Variants in UTP25 observed in about 807,000 individuals in gnomAD.
The protein encoded by UTP25 is UTP25 small subunit processome component, also known as U3 small nucleolar RNA-associated protein 25 homolog.
In UTP25, 50 loss-of-function variants were observed where a neutral mutation model predicts 78.9. The ratio of observed to expected loss-of-function variants is 0.63; its 90% CI spans 0.50 to 0.80. The LOEUF is 0.80. UTP25 is among the 30% of genes least tolerant of loss of function. The pLI is 0.00. For missense variants in UTP25, 846 were observed against 911.3 expected, an observed-to-expected ratio of 0.93 and a Z score of 0.92; for synonymous variants, 329 against 336.5, an observed-to-expected ratio of 0.98 and a Z score of 0.24.
rs771729357 is a variant in UTP25 at position 209,833,289 on chromosome 1, C to G, written c.493C>G (p.Leu165Val). The G allele has an allele frequency of 1.6e-5, 26 of 1,595,318 alleles. No homozygotes were observed. In the African/African-American group the frequency reaches 3.0e-4, roughly 18 times the overall value. The part of the protein sequence containing the change: ...EEFTDAKHES[L>V]FSLETNFLEE... ...GTTCACAGATGCAAAACACGAGTCACTGTTCAGCCTGGAAACCAATTTTCT... is the reference window on the plus strand; with the variant it reads ...GTTCACAGATGCAAAACACGAGTCAGTGTTCAGCCTGGAAACCAATTTTCT... Residue 165 changes from leucine to valine, a missense_variant, in exon 4 of 12, where the codon CTG becomes GTG. Coordinates refer to ENST00000491415, the MANE Select transcript of UTP25 (RefSeq NM_014388.7).
chr1:209,850,520 A>G (rs1245176576), intron 11 of UTP25, among the ~76,000 whole-genome samples: 1 of 152,238 alleles, frequency 6.6e-6, no homozygotes, highest in Non-Finnish European at 1.5e-5. Flanking sequence ...ATGGAATCCC[A>G]CAGGGGAACG....
intron 5 of UTP25, among the ~76,000 whole-genome samples, chr1:209,835,489 G>A (rs560294241): frequency 6.6e-6 from 1 of 152,278 alleles, no homozygotes; most frequent in South Asian, 2.1e-4. Flanking sequence ...GTCTGCTAGA[G>A]GGGGATAATA....
chr1:209,834,156 A>G (rs1452260347), intron 4 of UTP25, among the ~76,000 whole-genome samples: 1 of 152,210 alleles, frequency 6.6e-6, no homozygotes. Flanking sequence ...GAAACTTTGG[A>G]GGAAACATTA....
intron 4 of UTP25, 115 bp downstream of exon 4, chr1:209,833,473 T>C (rs2078114869): frequency 2.3e-5 from 21 of 930,542 alleles, no homozygotes; most frequent in Non-Finnish European, 3.1e-5. Flanking sequence ...GTTTAGTGGC[T>C]AGATCTAGAG....
intron 3 of UTP25, among the ~76,000 whole-genome samples, chr1:209,832,640 T>C (rs909866036): frequency 6.6e-6 from 1 of 152,216 alleles, no homozygotes; most frequent in African/African-American, 2.4e-5. Context: ...CCCAACACTT[T>C]GGGAGGCTGA....
At chr1:209,845,694 G>C (rs978194319) in intron 11 of UTP25, among the ~76,000 whole-genome samples, 1 of 152,052 alleles carries the variant, frequency 6.6e-6, no homozygotes, top group Non-Finnish European at 1.5e-5. Flanking sequence ...TGAAAATAAT[G>C]TGCTTTAGAG....
intron 11 of UTP25, among the ~76,000 whole-genome samples, chr1:209,850,649 C>G (rs1371338471): frequency 2.0e-5 from 3 of 152,210 alleles, no homozygotes; most frequent in Non-Finnish European, 4.4e-5. Context: ...GCTGTTGAAA[C>G]TAATTGCTTT....
Position 209,832,823 on chromosome 1 carries a change from G to A in UTP25, c.389-362G>A, listed in dbSNP as rs1403243160. Among the ~76,000 whole-genome samples the A allele has an allele frequency of 2.6e-5, 4 of 152,310 alleles. No homozygotes were observed. In the East Asian group the frequency reaches 7.7e-4, roughly 29 times the overall value. On this transcript the variant is annotated intron_variant, in intron 3 of 11. Coordinates refer to ENST00000491415, the MANE Select transcript of UTP25 (RefSeq NM_014388.7). ...CACTTGAGCCCAAGAGGTGGAGGTT[G>A]CAGTGAGCCAAGATGACACCACTGC...
intron 11 of UTP25, among the ~76,000 whole-genome samples, chr1:209,848,314 G>A (rs1162010380): frequency 1.3e-5 from 2 of 152,098 alleles, no homozygotes; most frequent in African/African-American, 2.4e-5. Context: ...ATGTCACTTT[G>A]TCTCATTCTT....
Position 209,837,014 on chromosome 1 carries a change from T to A in UTP25, c.865T>A (p.Tyr289Asn), listed in dbSNP as rs201328861. 1.7e-5 allele frequency: 28 copies of A among 1,614,162 alleles called. 1 individual carries two copies. The East Asian group carries it at 6.2e-4, about 36-fold the overall frequency. ...AGAACTCTTCTTAATTATGAATTCT[T>A]ACCGGGACCTGTTCTACCCGGAAAG... is the stretch of plus-strand genomic sequence containing the variant. ...QKELFLIMNS[Y>N]RDLFYPERTA... Residue 289 changes from tyrosine (Y) to asparagine (N), a missense_variant, in exon 6 of 12, where the codon TAC becomes AAC. Coordinates refer to ENST00000491415, the MANE Select transcript of UTP25 (RefSeq NM_014388.7).
At chr1:209,850,039 T>A (rs758981051) in intron 11 of UTP25, among the ~76,000 whole-genome samples, 22 of 152,162 alleles carry the variant, frequency 1.4e-4, no homozygotes, top group Non-Finnish European at 2.9e-4. Flanking sequence ...TGAGGACCAA[T>A]TATTAAACAT....
chr1:209,843,327 CAT>C, intron 10 of UTP25, 122 bp from the exon 11 acceptor site: 1 of 1,158,042 alleles, frequency 8.6e-7, no homozygotes, highest in South Asian at 1.6e-5. Context: ...GGAGGTAAAT[CAT>C]ATTGGCCTCT....
rs376855755 is a variant in UTP25, at chr1:209,833,282, C to T, written c.486C>T (p.His162=). Residue 162 remains histidine (H), a synonymous_variant, in exon 4 of 12, where the codon CAC becomes CAT. Coordinates refer to ENST00000491415, the MANE Select transcript of UTP25 (RefSeq NM_014388.7). ...CCGAAGAGTTCACAGATGCAAAACACGAGTCACTGTTCAGCCTGGAAACCA... is the reference window on the plus strand; with the variant it reads ...CCGAAGAGTTCACAGATGCAAAACATGAGTCACTGTTCAGCCTGGAAACCA... ...TSPEEFTDAK[H]ESLFSLETNF... is the part of the protein sequence containing the mutation. 47 of 1,603,292 alleles carry T rather than the reference C, an allele frequency of 2.9e-5. No individual in the cohort carries two copies. The highest frequency in any genetic ancestry group is 1.7e-4 in the Middle Eastern group (1 of 6,036).
rs1368776028 is a variant in UTP25, at chr1:209,843,982, G to A, written c.2027+286G>A. On this transcript the variant is annotated intron_variant, in intron 11 of 11. Coordinates refer to ENST00000491415, the MANE Select transcript of UTP25 (RefSeq NM_014388.7). ...TATACACTGCAAGAAGGACATTACA[G>A]GACAACTCAAATGAATACAAGGAAG... The A allele has an allele frequency of 1.9e-5, 7 of 364,000 alleles. No individual in the cohort carries two copies. In the East Asian group the frequency reaches 3.1e-4, roughly 16 times the overall value. The allele number at this position is 364,000 out of a possible 1,614,324, so 22.5% of individuals were successfully genotyped here.
At position 209,857,096 on chromosome 1, in the gene UTP25, C is replaced by G. The variant is rs1316962633; in HGVS notation, c.*5649C>G. ...GATCCGTGAATTACCTATAGGTCAT[C>G]CCTAAGAGGTGGCCTCCAGCTTCTG... On this transcript the variant is annotated 3_prime_UTR_variant, in exon 12 of 12. Transcript: ENST00000491415. 2 of 152,108 alleles carry G rather than the reference C, an allele frequency of 1.3e-5. No individual in the cohort carries two copies. Among genetic ancestry groups the G allele is most frequent in the Admixed American group, 1.3e-4 (2 of 15,280 alleles). 9.4% of individuals were successfully genotyped at this position (152,108 alleles called of 1,614,324 possible). A position where few individuals can be genotyped will look rare whatever the true frequency, so the allele number is the denominator to read the frequency against.
At chr1:209,830,043 A>C (rs599663) in intron 1 of UTP25, 65 bp from the exon 2 acceptor site, 540,817 of 1,426,238 alleles carry the variant, frequency 0.38, 104,607 homozygotes, top group Middle Eastern at 0.48. Flanking sequence ...TTAACATCTC[A>C]TTTGACCTTT....
chr1:209,851,573 G>A lies in UTP25; in HGVS notation c.*126G>A. On this transcript the variant is annotated 3_prime_UTR_variant, in exon 12 of 12. Transcript: ENST00000491415. Reference sequence around the variant, plus strand: ...AAAGAAAGTGCATGAGGCAATGTCAGTATTATCTGACATCTTTCTTTTCAG... The same window carrying A: ...AAAGAAAGTGCATGAGGCAATGTCAATATTATCTGACATCTTTCTTTTCAG... 1 of 1,236,260 alleles carries A rather than the reference G, an allele frequency of 8.1e-7. No homozygotes were observed. Among genetic ancestry groups the A allele is most frequent in the Non-Finnish European group, 1.1e-6 (1 of 913,438 alleles). The allele number at this position is 1,236,260 out of a possible 1,614,324, so 76.6% of individuals were successfully genotyped here.
intron 7 of UTP25, 41 bp downstream of exon 7, chr1:209,839,169 G>A: frequency 3.2e-6 from 5 of 1,540,776 alleles, no homozygotes; most frequent in Non-Finnish European, 4.4e-6. Flanking sequence ...AAGTGTGAAG[G>A]TCTACATAGC....
At chr1:209,830,749 G>A (rs1303538067) in intron 2 of UTP25, 54 bp from the exon 3 acceptor site, 2 of 1,571,458 alleles carry the variant, frequency 1.3e-6, no homozygotes. Flanking sequence ...TAGTTTTAGG[G>A]TAACAATAAG....
Sources: allele counts gnomAD v4.1 joint callset (sites outside exome capture counted in the v4.1 genomes callset), GRCh38; gene constraint gnomAD v4.1.1; transcripts MANE v1.5; gene names NCBI Gene and HGNC (gene_info 2026-07-23, HGNC 2026-07-21).